TRPC1: variants seen among roughly 807,000 people sequenced by gnomAD.
TRPC1 encodes the protein transient receptor potential cation channel subfamily C member 1.
TRPC1 carries 42 observed loss-of-function variants against 88.2 expected under a neutral mutation model. The ratio of observed to expected loss-of-function variants is 0.48; its 90% confidence interval spans 0.37 to 0.62. The LOEUF is 0.62. Among genes scored for constraint, TRPC1 ranks in the 20% least tolerant of loss-of-function variants. The pLI, the probability that TRPC1 is intolerant of heterozygous loss-of-function variation, is 0.00. For missense variants in TRPC1, 699 were observed against 957.3 expected (o/e 0.73, Z 3.56); for synonymous variants, 288 against 331.8 (o/e 0.87, Z 1.43).
At chr3:142,772,716 G>T (rs1027755070) in intron 4 of TRPC1, among the ~76,000 whole-genome samples, 1 of 152,170 alleles carries the variant, frequency 6.6e-6, no homozygotes, top group Admixed American at 6.5e-5. Flanking sequence ...GAACCCAGGA[G>T]GCGGAGGCTG....
rs1936307874 is a variant in TRPC1, at chr3:142,792,001, C to A, written c.1438-823C>A. 6.6e-6 allele frequency among the ~76,000 whole-genome samples: 1 copy of A among 151,824 alleles called. No homozygotes were observed. Among genetic ancestry groups the A allele is most frequent in the South Asian group, 2.1e-4 (1 of 4,824 alleles). On this transcript the variant is annotated intron_variant, in intron 8 of 12. Transcript: ENST00000476941. The surrounding 1 kb of genome is among the most constrained non-coding windows in gnomAD (Gnocchi z 4.0). The stretch of plus-strand genomic sequence containing the variant: ...TCAAGGAACTAAAATATATAATATT[C>A]TCTGTTTTTTATTAGTTCTTAGATT...
chr3:142,755,412 C>G (rs1474714738), intron 4 of TRPC1, among the ~76,000 whole-genome samples: 1 of 152,018 alleles, frequency 6.6e-6, no homozygotes, highest in African/African-American at 2.4e-5. Flanking sequence ...GTGACAAGAG[C>G]AAAACTCCAT....
intron 4 of TRPC1, among the ~76,000 whole-genome samples, chr3:142,768,857 T>G (rs759863162): frequency 6.6e-6 from 1 of 152,164 alleles, no homozygotes. Context: ...TGCTATTATT[T>G]TCACATATAT....
At chr3:142,741,065 G>A (rs1270633124) in intron 2 of TRPC1, among the ~76,000 whole-genome samples, 1 of 151,888 alleles carries the variant, frequency 6.6e-6, no homozygotes, top group Non-Finnish European at 1.5e-5. Context: ...AAATTCTAAG[G>A]TAGGAAGGAA....
At chr3:142,756,294 G>A (rs1442350458) in intron 4 of TRPC1, among the ~76,000 whole-genome samples, 2 of 151,438 alleles carry the variant, frequency 1.3e-5, no homozygotes. Context: ...TTTTTAAGTA[G>A]TTGTCAAACT....
chr3:142,781,110 C>A, intron 6 of TRPC1, 81 bp downstream of exon 6: 1 of 1,179,162 alleles, frequency 8.5e-7, no homozygotes, highest in Non-Finnish European at 1.1e-6. Flanking sequence ...TGGAGTAACT[C>A]ATCTGGGTTA....
chr3:142,735,973 T>C (rs915134564), intron 1 of TRPC1, among the ~76,000 whole-genome samples: 10 of 152,210 alleles, frequency 6.6e-5, no homozygotes, highest in Non-Finnish European at 1.5e-4. Flanking sequence ...TAAGTAAATA[T>C]CTATGTATAT....
intron 1 of TRPC1, among the ~76,000 whole-genome samples, chr3:142,727,498 A>C (rs1252506965): frequency 6.6e-6 from 1 of 152,200 alleles, no homozygotes; most frequent in East Asian, 1.9e-4. Context: ...GCTGGCTTTT[A>C]TGTAAGTAAG....
chr3:142,802,790 T>C (rs1462041080), intron 10 of TRPC1, among the ~76,000 whole-genome samples: 1 of 152,108 alleles, frequency 6.6e-6, no homozygotes, highest in African/African-American at 2.4e-5. Flanking sequence ...CATGAACATT[T>C]TTTTCTCTAA....
chr3:142,730,634 T>C (rs1189356603), intron 1 of TRPC1, among the ~76,000 whole-genome samples: 1 of 151,922 alleles, frequency 6.6e-6, no homozygotes, highest in Non-Finnish European at 1.5e-5. Flanking sequence ...TTTTAAAATT[T>C]GGTTCAAGCT....
At chr3:142,785,225 C>T (rs928330349) in intron 7 of TRPC1, 185 bp downstream of exon 7, 25 of 479,194 alleles carry the variant, frequency 5.2e-5, no homozygotes, top group Middle Eastern at 5.4e-4. Flanking sequence ...TGTTCCTGAA[C>T]TTGATGATAA....
intron 1 of TRPC1, among the ~76,000 whole-genome samples, chr3:142,735,580 C>T (rs1934100594): frequency 6.6e-6 from 1 of 152,160 alleles, no homozygotes; most frequent in Admixed American, 6.5e-5. Context: ...ACAGTGGGGC[C>T]TTGCTGAAAA....
At chr3:142,741,852 A>G (rs1230914154) in intron 2 of TRPC1, among the ~76,000 whole-genome samples, 3 of 152,184 alleles carry the variant, frequency 2.0e-5, no homozygotes, top group African/African-American at 7.2e-5. Context: ...TACTATAGTT[A>G]GCTTTATTGG....
chr3:142,761,625 T>G (rs925176210), intron 4 of TRPC1, among the ~76,000 whole-genome samples: 3 of 152,172 alleles, frequency 2.0e-5, no homozygotes, highest in African/African-American at 4.8e-5. Flanking sequence ...TTTCAGTATT[T>G]TTGAAGAGTT....
chr3:142,796,460 T>C (rs1936453745), intron 9 of TRPC1, among the ~76,000 whole-genome samples: 1 of 152,056 alleles, frequency 6.6e-6, no homozygotes, highest in Non-Finnish European at 1.5e-5. Flanking sequence ...CTCTACCCTT[T>C]TTTCCTTATT....
chr3:142,768,556 G>A lies in TRPC1; in HGVS notation c.633-9076G>A, dbSNP rs141735117. On this transcript the variant is annotated intron_variant, in intron 4 of 12. Coordinates refer to ENST00000476941, the MANE Select transcript of TRPC1 (RefSeq NM_001251845.2). ...CTTTGACAGTTTTTGCCTTTTGATT[G>A]AAGTGTTTAGTTCACTCACATGTAA... 4.3e-3 allele frequency among the ~76,000 whole-genome samples: 657 copies of A among 152,062 alleles called. 5 individuals carry two copies. Among genetic ancestry groups the A allele is most frequent in the African/African-American group, 0.015 (625 of 41,492 alleles).
rs997819752 is a variant in TRPC1, at chr3:142,801,743, C to G, written c.1582-426C>G. 2.0e-5 allele frequency among the ~76,000 whole-genome samples: 3 copies of G among 152,114 alleles called. No homozygotes were observed. In the East Asian group the frequency reaches 5.8e-4, roughly 29 times the overall value. On this transcript the variant is annotated intron_variant, in intron 9 of 12. Transcript: ENST00000476941. ...TTGGTTTAGAATTGGTTTCAAAAAT[C>G]AGGTGAAATACTTTGCCTCATAATG... is the stretch of plus-strand genomic sequence containing the variant.
At chr3:142,778,382 A>C (rs1935852916) in intron 5 of TRPC1, among the ~76,000 whole-genome samples, 1 of 152,152 alleles carries the variant, frequency 6.6e-6, no homozygotes, top group Non-Finnish European at 1.5e-5. Flanking sequence ...CATACCAAAG[A>C]AGCACTCCTA....
intron 10 of TRPC1, 89 bp downstream of exon 10, chr3:142,802,433 C>G: frequency 1.0e-6 from 1 of 953,404 alleles, no homozygotes; most frequent in Non-Finnish European, 1.4e-6. Flanking sequence ...AGAAATGGAA[C>G]TTCACATTTT....
Sources: gnomAD v4.1 joint callset for allele counts (sites outside exome capture counted in the v4.1 genomes callset) on GRCh38, gnomAD v4.1.1 for gene constraint, Gnocchi (gnomAD v3.1) non-coding constraint, MANE v1.5 for transcripts, NCBI Gene and HGNC (gene_info 2026-07-23, HGNC 2026-07-21) for gene names.